TNNI3K: variants seen among roughly 807,000 people sequenced by gnomAD.
TNNI3K encodes TNNI3 interacting kinase, also known as serine/threonine-protein kinase TNNI3K.
Under a neutral mutation model 114.5 loss-of-function variants are expected in TNNI3K, and 140 were observed. The ratio of observed to expected loss-of-function variants is 1.22; its 90% CI spans 1.07 to 1.41. The LOEUF (loss-of-function observed/expected upper bound fraction) is 1.41, where lower values mean the gene tolerates loss of function less well. Ranked by LOEUF, TNNI3K falls within the 40% of genes most tolerant of loss-of-function variation. The probability of loss-of-function intolerance (pLI) is 0.00; values close to 1 mark genes in which losing one functional copy is unlikely to be tolerated. For synonymous variants in TNNI3K, 347 were observed against 347.5 expected, an observed-to-expected ratio of 1.00 and a Z score of 0.02; for missense variants, 1,125 against 1,007.6, an observed-to-expected ratio of 1.12 and a Z score of -1.58.
chr1:74,241,447 T>C (rs1654202088), intron 2 of TNNI3K, among the ~76,000 whole-genome samples: 2 of 152,214 alleles, frequency 1.3e-5, no homozygotes, highest in South Asian at 2.1e-4. Flanking sequence ...ACCTGTTGTT[T>C]CCTGACTTTT....
intron 21 of TNNI3K, among the ~76,000 whole-genome samples, chr1:74,467,525 C>A (rs972046067): frequency 2.6e-5 from 4 of 151,254 alleles, no homozygotes; most frequent in African/African-American, 9.7e-5. Context: ...TAGATAGTGA[C>A]AGATTTTGGA....
intron 17 of TNNI3K, among the ~76,000 whole-genome samples, chr1:74,430,152 T>C (rs1197918562): frequency 6.6e-6 from 1 of 152,132 alleles, no homozygotes; most frequent in East Asian, 1.9e-4. Flanking sequence ...AGTCCAGCTC[T>C]GGAAGAAAAT....
intron 17 of TNNI3K, among the ~76,000 whole-genome samples, chr1:74,432,531 C>T (rs1467586998): frequency 1.3e-5 from 2 of 152,022 alleles, no homozygotes; most frequent in Non-Finnish European, 2.9e-5. Flanking sequence ...ATTGCACTTT[C>T]CTTGTTTGCA....
At chr1:74,454,348 C>CA (rs1278842812) in intron 20 of TNNI3K, among the ~76,000 whole-genome samples, 3 of 151,886 alleles carry the variant, frequency 2.0e-5, no homozygotes, top group African/African-American at 7.3e-5. Context: ...ATCTATTAAC[C>CA]ATTTCCACTT....
chr1:74,505,939 T>C (rs915221149), intron 23 of TNNI3K, among the ~76,000 whole-genome samples: 2 of 152,202 alleles, frequency 1.3e-5, no homozygotes, highest in Non-Finnish European at 2.9e-5. Context: ...AGTGGATATA[T>C]GTTTGCCACC....
chr1:74,329,755 T>C (rs1313648218), intron 5 of TNNI3K, among the ~76,000 whole-genome samples: 1 of 152,078 alleles, frequency 6.6e-6, no homozygotes, highest in East Asian at 1.9e-4. Context: ...TGGAAAAATT[T>C]CTTAATTCCT....
chr1:74,406,558 C>G (rs1252667375), intron 17 of TNNI3K, among the ~76,000 whole-genome samples: 2 of 152,120 alleles, frequency 1.3e-5, no homozygotes, highest in African/African-American at 4.8e-5. Context: ...GCCTTCAGCT[C>G]CAGAAAGTTC....
At chr1:74,399,042 G>T (rs770380266) in intron 17 of TNNI3K, among the ~76,000 whole-genome samples, 1 of 151,176 alleles carries the variant, frequency 6.6e-6, no homozygotes, top group Non-Finnish European at 1.5e-5. Context: ...TGTAATCCCA[G>T]CTACTCAGGA....
intron 7 of TNNI3K, among the ~76,000 whole-genome samples, chr1:74,340,191 G>T (rs1214872485): frequency 5.3e-5 from 8 of 151,956 alleles, no homozygotes; most frequent in Non-Finnish European, 1.2e-4. Flanking sequence ...AGAAGAAACA[G>T]CACCCATTCA....
chr1:74,418,085 A>G, intron 17 of TNNI3K: 1 of 401,402 alleles, frequency 2.5e-6, no homozygotes, highest in South Asian at 1.8e-5. Flanking sequence ...CAAGCAATGG[A>G]AATACAAGTA....
chr1:74,288,257 A>G (rs1657452912), intron 5 of TNNI3K, among the ~76,000 whole-genome samples: 1 of 152,144 alleles, frequency 6.6e-6, no homozygotes, highest in African/African-American at 2.4e-5. Flanking sequence ...ATATATCTGC[A>G]TTCCCATTTT....
At chr1:74,391,954 A>ATTTTTTTTTTTTTTTTTT (rs1557539031) in intron 17 of TNNI3K, among the ~76,000 whole-genome samples, 9 of 93,260 alleles carry the variant, frequency 9.7e-5, no homozygotes, top group African/African-American at 5.1e-4. Context: ...GGTACAGCTT[A>ATTTTTTTTTTTTTTTTTT]TTATTTTTTT....
chr1:74,376,829 A>AT (rs1038021623), intron 17 of TNNI3K: 1 of 151,806 alleles, frequency 6.6e-6, no homozygotes, highest in Non-Finnish European at 1.5e-5. Context: ...TTAAAAAAAA[A>AT]AATAAAAGAT....
intron 21 of TNNI3K, chr1:74,471,796 G>A (rs1206581303): frequency 9.4e-6 from 4 of 426,134 alleles, no homozygotes; most frequent in Non-Finnish European, 1.2e-5. Flanking sequence ...TTTTTCTATT[G>A]CACTGTTAAT....
chr1:74,264,112 G>C (rs1018401592), intron 4 of TNNI3K, among the ~76,000 whole-genome samples: 1 of 151,512 alleles, frequency 6.6e-6, no homozygotes, highest in African/African-American at 2.4e-5. Flanking sequence ...GGAAAAAATA[G>C]GTCCAAAGCA....
chr1:74,283,061 G>C (rs1657110529), intron 5 of TNNI3K, among the ~76,000 whole-genome samples: 1 of 152,116 alleles, frequency 6.6e-6, no homozygotes, highest in Admixed American at 6.5e-5. Context: ...GGTTTTTGTA[G>C]TCATGTGCAG....
chr1:74,309,532 T>C (rs915130603), intron 5 of TNNI3K, among the ~76,000 whole-genome samples: 3 of 151,922 alleles, frequency 2.0e-5, no homozygotes, highest in Admixed American at 6.6e-5. Flanking sequence ...CAAATATTCC[T>C]AATTAACATA....
intron 23 of TNNI3K, among the ~76,000 whole-genome samples, chr1:74,532,376 T>C (rs866348218): frequency 2.4e-4 from 37 of 152,304 alleles, no homozygotes; most frequent in African/African-American, 8.4e-4. Context: ...TCCAAAACCC[T>C]TTAACTTATT....
intron 4 of TNNI3K, among the ~76,000 whole-genome samples, chr1:74,256,402 A>G (rs1365764902): frequency 1.4e-5 from 2 of 142,014 alleles, no homozygotes; most frequent in Non-Finnish European, 3.0e-5. Flanking sequence ...ATAGGTTTTT[A>G]TGTGCTTATT....
Sources: allele counts gnomAD v4.1 joint callset (sites outside exome capture counted in the v4.1 genomes callset), GRCh38; gene constraint gnomAD v4.1.1; transcripts MANE v1.5; gene names NCBI Gene and HGNC (gene_info 2026-07-23, HGNC 2026-07-21).